The following CDH13 variants were observed in gnomAD, a reference collection of about 807,000 sequenced individuals.
CDH13 encodes the protein cadherin-13.
A neutral mutation model predicts 63.8 loss-of-function variants in CDH13; 24 were observed. The ratio of observed to expected loss-of-function variants is 0.38; its 90% confidence interval spans 0.27 to 0.53. The LOEUF (loss-of-function observed/expected upper bound fraction) is 0.53, where lower values mean the gene tolerates loss of function less well. CDH13 is among the 20% of genes least tolerant of loss of function. The pLI is 0.85. For missense variants in CDH13, 1,049 were observed against 903.1 expected (o/e 1.16, Z -2.07); for synonymous variants, 503 against 355.3 (o/e 1.42, Z -4.67).
intron 3 of CDH13, among the ~76,000 whole-genome samples, chr16:83,118,009 C>A (rs1042741389): frequency 1.3e-5 from 2 of 152,180 alleles, no homozygotes; most frequent in African/African-American, 4.8e-5. Flanking sequence ...GTAGGGATGA[C>A]AGTCCTCCTC....
At chr16:83,480,161 C>A (rs1196696862) in intron 6 of CDH13, among the ~76,000 whole-genome samples, 2 of 152,086 alleles carry the variant, frequency 1.3e-5, no homozygotes, top group African/African-American at 4.8e-5. Context: ...CCCATCTCTA[C>A]AAAAATTAGC....
intron 1 of CDH13, among the ~76,000 whole-genome samples, chr16:82,735,791 A>T (rs1337390326): frequency 1.3e-5 from 2 of 152,236 alleles, no homozygotes; most frequent in East Asian, 3.9e-4. Context: ...TCTGCCAAAG[A>T]AAAGCTATTT....
chr16:83,176,175 C>T (rs949028487), intron 4 of CDH13, among the ~76,000 whole-genome samples: 1 of 150,500 alleles, frequency 6.6e-6, no homozygotes, highest in African/African-American at 2.4e-5. Context: ...AATTAATATG[C>T]TTCAACACAT....
chr16:82,674,479 G>T (rs1356469401), intron 1 of CDH13, among the ~76,000 whole-genome samples: 1 of 152,214 alleles, frequency 6.6e-6, no homozygotes, highest in Non-Finnish European at 1.5e-5. Context: ...CTGTCTCCAT[G>T]ATATCAAACT....
At chr16:83,587,339 G>A (rs1906264728) in intron 7 of CDH13, among the ~76,000 whole-genome samples, 1 of 152,094 alleles carries the variant, frequency 6.6e-6, no homozygotes, top group Admixed American at 6.6e-5. Context: ...CTGATATTAG[G>A]CAAAGGTTGT....
chr16:82,880,543 C>T (rs1303707590), intron 2 of CDH13, among the ~76,000 whole-genome samples: 2 of 152,096 alleles, frequency 1.3e-5, no homozygotes, highest in African/African-American at 4.8e-5. Flanking sequence ...GTTTTTGGAC[C>T]TTTGCCAGGT....
chr16:83,746,394 G>A (rs1407162535), intron 10 of CDH13, among the ~76,000 whole-genome samples: 1 of 152,040 alleles, frequency 6.6e-6, no homozygotes, highest in Admixed American at 6.6e-5. Flanking sequence ...ACTTCTGATT[G>A]CATTTAGCAA....
chr16:83,133,836 T>C (rs747512036), intron 4 of CDH13, among the ~76,000 whole-genome samples: 2 of 152,212 alleles, frequency 1.3e-5, no homozygotes, highest in Non-Finnish European at 2.9e-5. Context: ...ACATTGTTTA[T>C]ACATCTTTGA....
At chr16:82,683,582 G>A (rs906104460) in intron 1 of CDH13, among the ~76,000 whole-genome samples, 5 of 152,218 alleles carry the variant, frequency 3.3e-5, no homozygotes, top group Non-Finnish European at 7.3e-5. Flanking sequence ...AGAAGGACCA[G>A]CAGCTCTCAA....
At position 82,667,260 on chromosome 16, in the gene CDH13, A is replaced by G. The variant is rs75818688; in HGVS notation, c.45+40123A>G. 4.6e-3 allele frequency among the ~76,000 whole-genome samples: 699 copies of G among 152,274 alleles called. 5 individuals are homozygous for G. The highest frequency in any genetic ancestry group is 0.016 in the African/African-American group (676 of 41,542). On this transcript the variant is annotated intron_variant, in intron 1 of 13. Coordinates refer to ENST00000567109, the MANE Select transcript of CDH13 (RefSeq NM_001257.5). The stretch of plus-strand genomic sequence containing the variant: ...CAGAGAGCTTATACATTTCTATCGT[A>G]TTAGGGAGACAATTCCAGAGAGTGA...
chr16:83,045,518 TC>T (rs889618226), intron 3 of CDH13, among the ~76,000 whole-genome samples: 1 of 151,280 alleles, frequency 6.6e-6, no homozygotes. Flanking sequence ...GTGCCTGTAA[TC>T]CCAGCTACTT....
chr16:82,745,155 A>G (rs1463533281), intron 1 of CDH13, among the ~76,000 whole-genome samples: 6 of 152,124 alleles, frequency 3.9e-5, no homozygotes. Context: ...ACAAAAGAAT[A>G]CTGTTGAATC....
intron 4 of CDH13, among the ~76,000 whole-genome samples, chr16:83,163,638 T>C (rs1379763228): frequency 6.6e-6 from 1 of 152,102 alleles, no homozygotes; most frequent in Non-Finnish European, 1.5e-5. Flanking sequence ...AGCCAAAGTG[T>C]GTCATCTCCA....
chr16:83,704,864 G>C (rs1414207734), intron 10 of CDH13, among the ~76,000 whole-genome samples: 1 of 152,204 alleles, frequency 6.6e-6, no homozygotes, highest in Non-Finnish European at 1.5e-5. Flanking sequence ...CACACTGTTT[G>C]TTATGCAGCA....
intron 7 of CDH13, among the ~76,000 whole-genome samples, chr16:83,496,847 G>T (rs1416681350): frequency 3.3e-5 from 5 of 152,168 alleles, no homozygotes; most frequent in Non-Finnish European, 7.4e-5. Flanking sequence ...AAAAGTGGGC[G>T]AAGGACATGA....
chr16:82,853,000 C>A (rs1381502), intron 1 of CDH13, among the ~76,000 whole-genome samples: 58,772 of 151,972 alleles, frequency 0.39, 12,319 homozygotes, highest in East Asian at 0.82. Context: ...TAAGAAAGAA[C>A]GAAAGTTCTG....
intron 4 of CDH13, among the ~76,000 whole-genome samples, chr16:83,155,510 C>T (rs1030113496): frequency 1.3e-5 from 2 of 152,194 alleles, no homozygotes; most frequent in African/African-American, 2.4e-5. Flanking sequence ...CTCCTGTCCT[C>T]TCTCTAGGTG....
At chr16:82,868,937 G>A (rs1469561264) in intron 2 of CDH13, among the ~76,000 whole-genome samples, 2 of 152,160 alleles carry the variant, frequency 1.3e-5, no homozygotes, top group African/African-American at 2.4e-5. Flanking sequence ...AAAACTCACT[G>A]TGGTTTTATT....
rs112958327 is a variant in CDH13, at chr16:82,937,869, A to G, written c.157+79396A>G. 9.4e-3 allele frequency among the ~76,000 whole-genome samples: 1,439 copies of G among 152,346 alleles called. 20 individuals carry two copies. Among genetic ancestry groups the G allele is most frequent in the African/African-American group, 0.033 (1,384 of 41,560 alleles). On this transcript the variant is annotated intron_variant, in intron 2 of 13. Coordinates refer to ENST00000567109, the MANE Select transcript of CDH13 (RefSeq NM_001257.5). ...TTTAAATATTTCTAAACAGCTGATTAAAGTACAATTGGATGGAGGTAAAAA... is the reference window on the plus strand; with the variant it reads ...TTTAAATATTTCTAAACAGCTGATTGAAGTACAATTGGATGGAGGTAAAAA...
Sources: gnomAD v4.1 joint callset for allele counts (sites outside exome capture counted in the v4.1 genomes callset) on GRCh38, gnomAD v4.1.1 for gene constraint, MANE v1.5 for transcripts, NCBI Gene and HGNC (gene_info 2026-07-23, HGNC 2026-07-21) for gene names.